The following PZP variants were observed in gnomAD, a reference collection of about 807,000 sequenced individuals.
The protein encoded by PZP is PZP alpha-2-macroglobulin like.
A neutral mutation model predicts 179.8 loss-of-function variants in PZP; 150 were observed. That is an observed-to-expected ratio of 0.83 (90% CI 0.73 to 0.96). The LOEUF is 0.96. PZP is among the 40% of genes least tolerant of loss of function. The pLI is 0.00. For synonymous variants in PZP, 624 were observed against 652.3 expected (o/e 0.96, Z 0.66); for missense variants, 1,689 against 1,764.0 (o/e 0.96, Z 0.76).
Position 9,200,918 on chromosome 12 carries a change from T to C in PZP, c.644A>G (p.Gln215Arg), listed in dbSNP as rs1388525028. 6 of 1,613,806 alleles carry C rather than the reference T, an allele frequency of 3.7e-6. No individual in the cohort carries two copies. The change falls in exon 6 of 36, where the codon CAG (glutamine) becomes CGG (arginine). Residue 215 changes from glutamine (Q) to arginine (R), a missense_variant. Coordinates refer to ENST00000261336, the MANE Select transcript of PZP (RefSeq NM_002864.3). Reference sequence around the variant, plus strand: ...AAATTCCTCCACGGTGAAGGGGTGCTGTATCCTTCCACCTGATTCTGTCTG... The same window carrying C: ...AAATTCCTCCACGGTGAAGGGGTGCCGTATCCTTCCACCTGATTCTGTCTG... ...VVQTESGGRI[Q>R]HPFTVEEFVL... is the part of the protein sequence containing the mutation.
At chr12:9,186,454 A>G (rs1943123857) in intron 13 of PZP, among the ~76,000 whole-genome samples, 1 of 152,174 alleles carries the variant, frequency 6.6e-6, no homozygotes, top group Non-Finnish European at 1.5e-5. Flanking sequence ...AGAGGCACAG[A>G]GTGGCAAGCC....
At position 9,157,566 on chromosome 12, in the gene PZP, A is replaced by T. The variant is rs745341124; in HGVS notation, c.3369+201T>A. 1.4e-4 allele frequency among the ~76,000 whole-genome samples: 21 copies of T among 152,328 alleles called. No homozygotes were observed. In the South Asian group the frequency reaches 4.4e-3, roughly 32 times the overall value. On this transcript the variant is annotated intron_variant, in intron 27 of 35. Coordinates refer to ENST00000261336, the MANE Select transcript of PZP (RefSeq NM_002864.3). ...TAAGACTAGAGAACCTGTTTTTAGG[A>T]TTGGTTTTGATACATAGTCTATGGG... is the stretch of plus-strand genomic sequence containing the variant.
chr12:9,171,610 C>T (rs1205254911), intron 15 of PZP, among the ~76,000 whole-genome samples: 1 of 152,098 alleles, frequency 6.6e-6, no homozygotes, highest in Non-Finnish European at 1.5e-5. Flanking sequence ...AATACAGGAG[C>T]TGGTAGCCAG....
chr12:9,152,072 C>A (rs140749075), intron 32 of PZP, 148 bp downstream of exon 32: 1 of 672,738 alleles, frequency 1.5e-6, no homozygotes, highest in African/African-American at 1.8e-5. Flanking sequence ...TTACGGCCAA[C>A]TAAATAGTTC....
chr12:9,158,302 C>G lies in PZP; in HGVS notation c.3294+118G>C, dbSNP rs1940909958. 11 of 1,383,550 alleles carry G rather than the reference C, an allele frequency of 8.0e-6. No individual in the cohort carries two copies. The South Asian group carries it at 1.4e-4, about 17-fold the overall frequency. The allele number at this position is 1,383,550 out of a possible 1,614,324, so 85.7% of individuals were successfully genotyped here. A position where few individuals can be genotyped will look rare whatever the true frequency, so the allele number is the denominator to read the frequency against. Reference sequence around the variant, plus strand: ...AAGTGTAATACTCTTTCCCTGATGCCATCCCACATCATCCAGGACTTCATC... The same window carrying G: ...AAGTGTAATACTCTTTCCCTGATGCGATCCCACATCATCCAGGACTTCATC... On this transcript the variant is annotated intron_variant, in intron 26 of 35. Transcript: ENST00000261336.
chr12:9,168,817 A>G, intron 17 of PZP, 52 bp downstream of exon 17: 1 of 1,354,548 alleles, frequency 7.4e-7, no homozygotes, highest in Non-Finnish European at 1.1e-6. Flanking sequence ...CATTTTGGGC[A>G]TAGTAATATT....
chr12:9,153,214 T>G lies in PZP; in HGVS notation c.3904A>C (p.Asn1302His). 1 of 1,614,158 alleles carries G rather than the reference T, an allele frequency of 6.2e-7. No individual in the cohort carries two copies. The highest frequency in any genetic ancestry group is 8.5e-7 in the Non-Finnish European group (1 of 1,179,996). ...GAGATCTGCTGCAGTAATAGGAGGTTGTTGTTGTCTACTTGGAAATTTGTA... is the reference window on the plus strand; with the variant it reads ...GAGATCTGCTGCAGTAATAGGAGGTGGTTGTTGTCTACTTGGAAATTTGTA... Reference protein sequence around the residue: ...FSTNFQVDNNNLLLLQQISLP... With the variant: ...FSTNFQVDNNHLLLLQQISLP... The change falls in exon 30 of 36, where the codon AAC becomes CAC. Residue 1302 changes from asparagine to histidine, a missense_variant. By Grantham distance (68) the Asn-to-His change is moderately conservative. Transcript: ENST00000261336.
chr12:9,184,400 C>T (rs902298817), intron 13 of PZP, among the ~76,000 whole-genome samples: 16 of 152,328 alleles, frequency 1.1e-4, no homozygotes, highest in South Asian at 8.3e-4. Flanking sequence ...CCCACCAGTG[C>T]CCCACCCCCA....
chr12:9,144,331 C>T (rs976321734), downstream of PZP, among the ~76,000 whole-genome samples: 5 of 152,174 alleles, frequency 3.3e-5, no homozygotes, highest in South Asian at 1.0e-3. Flanking sequence ...CCAGCCTGAG[C>T]CTCACAGTTC....
intron 18 of PZP, 27 bp from the exon 19 acceptor site, chr12:9,165,394 G>C (rs1565633855): frequency 6.2e-7 from 1 of 1,611,630 alleles, no homozygotes; most frequent in Non-Finnish European, 8.5e-7. Flanking sequence ...GTGAAGAACA[G>C]AAATAATGAA....
intron 19 of PZP, 114 bp from the exon 20 acceptor site, chr12:9,164,373 T>C (rs1334421195): frequency 1.8e-6 from 2 of 1,139,114 alleles, no homozygotes; most frequent in South Asian, 1.6e-5. Flanking sequence ...GTAAGAAAAA[T>C]GTATGTCACA....
At chr12:9,151,715 T>C (rs1042029737) in intron 32 of PZP, 43 bp from the exon 33 acceptor site, 4 of 1,504,828 alleles carry the variant, frequency 2.7e-6, no homozygotes, top group Non-Finnish European at 3.7e-6. Flanking sequence ...AGAGAACAGA[T>C]GTGAGAATGG....
chr12:9,197,506 A>G (rs1364615625), intron 7 of PZP, among the ~76,000 whole-genome samples: 1 of 127,554 alleles, frequency 7.8e-6, no homozygotes, highest in East Asian at 2.1e-4. Context: ...TAAATATATT[A>G]TGTATAATGT....
intron 10 of PZP, among the ~76,000 whole-genome samples, chr12:9,196,032 T>C (rs1444074708): frequency 1.3e-5 from 2 of 152,104 alleles, no homozygotes; most frequent in Non-Finnish European, 2.9e-5. Context: ...ATGATAGAAA[T>C]ATCATTTATT....
intron 10 of PZP, 102 bp downstream of exon 10, chr12:9,196,228 T>G: frequency 1.4e-6 from 1 of 712,802 alleles, no homozygotes; most frequent in Non-Finnish European, 2.3e-6. Context: ...TTGGTCATAT[T>G]AATTAACTGA....
At chr12:9,188,538 C>T (rs192708471) in intron 13 of PZP, among the ~76,000 whole-genome samples, 74 of 152,200 alleles carry the variant, frequency 4.9e-4, no homozygotes, top group African/African-American at 1.7e-3. Flanking sequence ...TCGGGCAAGA[C>T]AAAGAAATAA....
chr12:9,195,650 T>TA (rs1268706611), intron 10 of PZP, among the ~76,000 whole-genome samples: 44 of 146,264 alleles, frequency 3.0e-4, no homozygotes, highest in African/African-American at 1.0e-3. Context: ...GGTAGAGTCT[T>TA]ACTATGTTAC....
chr12:9,138,605 C>G, the PZP span, among the ~76,000 whole-genome samples: 2 of 152,010 alleles, frequency 1.3e-5, no homozygotes. Flanking sequence ...GTATTAGAAT[C>G]TACCTGTGAA....
intron 1 of PZP, among the ~76,000 whole-genome samples, chr12:9,207,387 C>T (rs1187399816): frequency 6.6e-6 from 1 of 152,200 alleles, no homozygotes; most frequent in African/African-American, 2.4e-5. Context: ...GTAAAGGCAG[C>T]TGGGTTAAGG....
Sources: gnomAD v4.1 joint callset for allele counts (sites outside exome capture counted in the v4.1 genomes callset) on GRCh38, gnomAD v4.1.1 for gene constraint, MANE v1.5 for transcripts, NCBI Gene and HGNC (gene_info 2026-07-23, HGNC 2026-07-21) for gene names.